The following GNB1L variants were observed in gnomAD, a reference collection of about 807,000 sequenced individuals.
GNB1L encodes the protein guanine nucleotide-binding protein subunit beta-like protein 1.
Under a neutral mutation model 29.1 loss-of-function variants are expected in GNB1L, and 20 were observed. That is an observed-to-expected ratio of 0.69 (90% confidence interval 0.48 to 1.00). The LOEUF is 1.00. Ranked by LOEUF, GNB1L falls within the 50% of genes least tolerant of loss-of-function variation. The probability of loss-of-function intolerance (pLI) is 0.00; values close to 1 mark genes in which losing one functional copy is unlikely to be tolerated. For synonymous variants in GNB1L, 193 were observed against 206.5 expected (o/e 0.93, Z 0.56); for missense variants, 421 against 464.9 (o/e 0.91, Z 0.87).
intron 2 of GNB1L, among the ~76,000 whole-genome samples, chr22:19,830,246 C>T (rs145328051): frequency 6.6e-6 from 1 of 151,680 alleles, no homozygotes; most frequent in East Asian, 1.9e-4. Context: ...CCAGATTATA[C>T]GATGGTATAC....
intron 6 of GNB1L, among the ~76,000 whole-genome samples, chr22:19,803,197 G>A (rs1937394979): frequency 6.6e-6 from 1 of 152,246 alleles, no homozygotes; most frequent in Admixed American, 6.5e-5. Flanking sequence ...CACTCACTGT[G>A]CCCTGCAGGA....
chr22:19,845,593 G>A (rs1364228280), intron 2 of GNB1L, among the ~76,000 whole-genome samples: 1 of 152,230 alleles, frequency 6.6e-6, no homozygotes, highest in Admixed American at 6.5e-5. Flanking sequence ...CCTGAGGCCA[G>A]GAGGAAAGGA....
At chr22:19,849,350 A>G (rs1172451212) in intron 2 of GNB1L, 2 of 959,728 alleles carry the variant, frequency 2.1e-6, no homozygotes, top group Non-Finnish European at 2.5e-6. Flanking sequence ...TATTTTTCTA[A>G]ATAAGGTTTT....
At chr22:19,850,222 C>T in intron 2 of GNB1L, 1 of 985,802 alleles carries the variant, frequency 1.0e-6, no homozygotes, top group Non-Finnish European at 1.2e-6. Context: ...TAGGCAGCCA[C>T]TGCACCACCT....
chr22:19,800,477 G>A (rs1937356547), intron 7 of GNB1L, among the ~76,000 whole-genome samples: 1 of 152,194 alleles, frequency 6.6e-6, no homozygotes, highest in Non-Finnish European at 1.5e-5. Context: ...GAGGGAGGGA[G>A]TGCAAGGGAG....
chr22:19,825,680 C>A (rs1217699916), intron 2 of GNB1L, among the ~76,000 whole-genome samples: 3 of 151,814 alleles, frequency 2.0e-5, no homozygotes, highest in African/African-American at 7.3e-5. Flanking sequence ...CACAGCCAGG[C>A]ACAGTGGCTC....
chr22:19,848,579 C>T (rs116941290), intron 2 of GNB1L: 19,196 of 985,474 alleles, frequency 0.019, 205 homozygotes, highest in Non-Finnish European at 0.022. Flanking sequence ...CACTTCAAGG[C>T]CCTACCTTCC....
intron 2 of GNB1L, chr22:19,851,393 G>A (rs780093858): frequency 6.2e-7 from 1 of 1,614,082 alleles, no homozygotes; most frequent in South Asian, 1.1e-5. Flanking sequence ...CTCTGGCTGG[G>A]AAGAGGCTGG....
At chr22:19,829,101 G>A (rs1438874921) in intron 2 of GNB1L, among the ~76,000 whole-genome samples, 1 of 152,154 alleles carries the variant, frequency 6.6e-6, no homozygotes, top group Non-Finnish European at 1.5e-5. Context: ...CAAAGTGCTG[G>A]GATTACAGGC....
intron 7 of GNB1L, among the ~76,000 whole-genome samples, chr22:19,789,326 C>T (rs958255110): frequency 6.6e-5 from 10 of 152,232 alleles, no homozygotes; most frequent in African/African-American, 2.2e-4. Flanking sequence ...GGCCACGTCC[C>T]GGGCTTGATG....
intron 2 of GNB1L, among the ~76,000 whole-genome samples, chr22:19,845,575 G>A (rs148577211): frequency 1.1e-3 from 173 of 152,356 alleles, no homozygotes; most frequent in Non-Finnish European, 2.0e-3. Flanking sequence ...CCTGTGCTGG[G>A]GGTGGTTCCT....
chr22:19,821,521 C>G lies in GNB1L; in HGVS notation c.-20-146G>C, dbSNP rs2145882501. On this transcript the variant is annotated intron_variant, in intron 2 of 7. Transcript: ENST00000329517. ...CTCCTGGGAGAGAGGTGCCACTGCTCCCCAGACACTGATGAACGGCCTGTG... is the reference window on the plus strand; with the variant it reads ...CTCCTGGGAGAGAGGTGCCACTGCTGCCCAGACACTGATGAACGGCCTGTG... 3.9e-6 allele frequency: 3 copies of G among 773,714 alleles called. No homozygotes were observed. The East Asian group carries it at 8.0e-5, about 21-fold the overall frequency. 47.9% of individuals were successfully genotyped at this position (773,714 alleles called of 1,614,324 possible). A position where few individuals can be genotyped will look rare whatever the true frequency, so the allele number is the denominator to read the frequency against.
At chr22:19,817,299 G>A (rs1937534646) in intron 4 of GNB1L, among the ~76,000 whole-genome samples, 1 of 152,182 alleles carries the variant, frequency 6.6e-6, no homozygotes, top group African/African-American at 2.4e-5. Context: ...TGGCCAACAT[G>A]GTGAAACCCC....
chr22:19,794,126 A>G (rs900069937), intron 7 of GNB1L, among the ~76,000 whole-genome samples: 1 of 152,276 alleles, frequency 6.6e-6, no homozygotes, highest in Middle Eastern at 3.4e-3. Flanking sequence ...AAACTTATCC[A>G]GGCATGGTGA....
intron 7 of GNB1L, among the ~76,000 whole-genome samples, chr22:19,789,183 T>TC (rs1937224158): frequency 6.6e-6 from 1 of 152,102 alleles, no homozygotes; most frequent in South Asian, 2.1e-4. Context: ...CTGCTGCTCC[T>TC]CGCACCAGCT....
chr22:19,827,268 A>T (rs59572438), intron 2 of GNB1L, among the ~76,000 whole-genome samples: 2,650 of 152,326 alleles, frequency 0.017, 81 homozygotes, highest in African/African-American at 0.06. Context: ...TTTCAAAAAA[A>T]ATTCTCTCTT....
At chr22:19,836,179 A>G (rs1937761787) in intron 2 of GNB1L, among the ~76,000 whole-genome samples, 1 of 151,956 alleles carries the variant, frequency 6.6e-6, no homozygotes, top group African/African-American at 2.4e-5. Flanking sequence ...CAATAAAAAG[A>G]GAAGAGACAA....
chr22:19,806,628 C>G, intron 6 of GNB1L, 31 bp downstream of exon 6: 1 of 1,395,014 alleles, frequency 7.2e-7, no homozygotes, highest in Non-Finnish European at 1.0e-6. Context: ...GTGTGGCCGG[C>G]AGGGCGTGGC....
chr22:19,806,843 C>CTGCA, intron 5 of GNB1L, 86 bp from the exon 6 acceptor site: 2 of 970,558 alleles, frequency 2.1e-6, no homozygotes, highest in Non-Finnish European at 3.2e-6. Flanking sequence ...GCGATTAGCC[C>CTGCA]GGGCTGCTGT....
Sources: gnomAD v4.1 joint callset for allele counts (sites outside exome capture counted in the v4.1 genomes callset) on GRCh38, gnomAD v4.1.1 for gene constraint, MANE v1.5 for transcripts, NCBI Gene and HGNC (gene_info 2026-07-23, HGNC 2026-07-21) for gene names.